LIMD1: variants seen among roughly 807,000 people sequenced by gnomAD.
LIMD1 encodes LIM domain-containing protein 1.
In LIMD1, 23 loss-of-function variants were observed where a neutral mutation model predicts 58.4. That is an observed-to-expected ratio of 0.39 (90% confidence interval 0.28 to 0.56). LIMD1 has a LOEUF of 0.56. Ranked by LOEUF, LIMD1 falls within the 20% of genes least tolerant of loss-of-function variation. LIMD1 has a pLI of 0.57. For synonymous variants in LIMD1, 334 were observed against 345.5 expected, an observed-to-expected ratio of 0.97 and a Z score of 0.37; for missense variants, 838 against 855.5, an observed-to-expected ratio of 0.98 and a Z score of 0.25.
chr3:45,662,256 C>T (rs960247098), intron 2 of LIMD1, among the ~76,000 whole-genome samples: 15 of 148,228 alleles, frequency 1.0e-4, no homozygotes, highest in African/African-American at 3.2e-4. Context: ...ATTGCCTTTT[C>T]GTTTACGGTG....
chr3:45,637,684 A>T (rs1331575917), intron 2 of LIMD1, among the ~76,000 whole-genome samples: 2 of 152,228 alleles, frequency 1.3e-5, no homozygotes, highest in Admixed American at 6.5e-5. Flanking sequence ...CTTCTGGAGA[A>T]GGGAAGGGGA....
chr3:45,600,550 C>T lies in LIMD1; in HGVS notation c.1408+4263C>T, dbSNP rs186267005. On this transcript the variant is annotated intron_variant, in intron 1 of 7. Transcript: ENST00000273317. Reference sequence around the variant, plus strand: ...CCTCCCCACCCCCTGTCCCCGTTGCCTCTTTGTGTCTCTCTGTCCATGTTG... The same window carrying T: ...CCTCCCCACCCCCTGTCCCCGTTGCTTCTTTGTGTCTCTCTGTCCATGTTG... Among the ~76,000 whole-genome samples, 13 of 152,312 alleles carry T rather than the reference C, an allele frequency of 8.5e-5. No individual in the cohort carries two copies. The East Asian group carries it at 2.1e-3, about 25-fold the overall frequency.
rs1056187686 is a variant in LIMD1 at position 45,680,253 on chromosome 3, A to G, written c.*3194A>G. On this transcript the variant is annotated 3_prime_UTR_variant, in exon 8 of 8. Coordinates refer to ENST00000273317, the MANE Select transcript of LIMD1 (RefSeq NM_014240.3). The stretch of plus-strand genomic sequence containing the variant: ...TGTGAGAATTGAGCACAAGACCACA[A>G]ATTATTACTGCTTGATGCGCTTGTT... The G allele has an allele frequency of 6.6e-6, 1 of 152,182 alleles. No individual in the cohort carries two copies. The allele number at this position is 152,182 out of a possible 1,614,324, so 9.4% of individuals were successfully genotyped here.
chr3:45,594,801 A>ACACACAC lies in LIMD1; in HGVS notation c.-78_-72dup, dbSNP rs1701318242. The ACACACAC allele has an allele frequency of 5.8e-6, 1 of 172,312 alleles. No individual in the cohort carries two copies. Among genetic ancestry groups the ACACACAC allele is most frequent in the South Asian group, 9.3e-5 (1 of 10,730 alleles). The allele number at this position is 172,312 out of a possible 1,614,324, so 10.7% of individuals were successfully genotyped here. A position where few individuals can be genotyped will look rare whatever the true frequency, so the allele number is the denominator to read the frequency against. On this transcript the variant is annotated 5_prime_UTR_variant, in exon 1 of 8. Transcript: ENST00000273317. ...TCAACACACACACACACACACACAC[A>ACACACAC]CACACACACACACACACACACACAC... is the stretch of plus-strand genomic sequence containing the variant.
At chr3:45,605,119 C>T (rs1483352441) in intron 1 of LIMD1, among the ~76,000 whole-genome samples, 6 of 152,238 alleles carry the variant, frequency 3.9e-5, no homozygotes, top group Non-Finnish European at 8.8e-5. Context: ...TTGGGCAAGT[C>T]CCTCTAGCTC....
rs148755802 is a variant in LIMD1, at chr3:45,595,919, G to A, written c.1040G>A (p.Ser347Asn). The change falls in exon 1 of 8, where the codon AGT becomes AAT. Residue 347 changes from serine (S) to asparagine (N), a missense_variant. Around this residue, in one of 3 missense-constraint regions of LIMD1, gnomAD observed 659 missense variants for 639.8 expected, o/e 1.03. Coordinates refer to ENST00000273317, the MANE Select transcript of LIMD1 (RefSeq NM_014240.3). ...GATGGGCCCAAATCTTACCTTTCCA[G>A]TTCTGCCCCGTCATCCTCGCCAGCT... ...FQDGPKSYLS[S>N]SAPSSSPAGL... 18 of 1,614,072 alleles carry A rather than the reference G, an allele frequency of 1.1e-5. No homozygotes were observed. Among genetic ancestry groups the A allele is most frequent in the South Asian group, 9.9e-5 (9 of 91,092 alleles).
Position 45,596,162 on chromosome 3 carries a change from G to A in LIMD1, c.1283G>A (p.Arg428Lys), listed in dbSNP as rs1364438640. ...GACAGCCCCAGCTCCCCTAGGGTAA[G>A]GCTGCCCTGCCAGCCCCTCGTCCCA... The part of the protein sequence containing the change: ...LLDSPSSPRV[R>K]LPCQPLVPGP... The change falls in exon 1 of 8, where the codon AGG becomes AAG. Residue 428 changes from arginine to lysine, a missense_variant. This residue lies in a region of LIMD1 where 659 missense variants were observed against 639.8 expected (regional missense o/e 1.03). Transcript: ENST00000273317. 4 of 1,614,076 alleles carry A rather than the reference G, an allele frequency of 2.5e-6. No homozygotes were observed. The highest frequency in any genetic ancestry group is 3.4e-6 in the Non-Finnish European group (4 of 1,180,004).
intron 4 of LIMD1, 132 bp from the exon 5 acceptor site, chr3:45,672,558 T>G (rs1697600370): frequency 1.0e-6 from 1 of 989,040 alleles, no homozygotes; most frequent in African/African-American, 1.6e-5. Flanking sequence ...GCTCTTCTCC[T>G]AGGTGAAACT....
At chr3:45,654,812 CAAAAAAAA>C (rs1227980901) in intron 2 of LIMD1, among the ~76,000 whole-genome samples, 4 of 56,522 alleles carry the variant, frequency 7.1e-5, no homozygotes, top group African/African-American at 2.3e-4. Context: ...GACCCTGTCT[CAAAAAAAA>C]AAAAAAAAAA....
chr3:45,641,971 G>A (rs1169756334), intron 2 of LIMD1, among the ~76,000 whole-genome samples: 1 of 152,186 alleles, frequency 6.6e-6, no homozygotes, highest in Non-Finnish European at 1.5e-5. Flanking sequence ...TGGGGGAATA[G>A]GGAGGTGAAT....
intron 1 of LIMD1, 112 bp downstream of exon 1, chr3:45,596,399 GC>G: frequency 1.2e-6 from 1 of 837,030 alleles, no homozygotes; most frequent in Non-Finnish European, 1.8e-6. Context: ...TCTTTGAGTG[GC>G]CTGTTTTTTT....
intron 1 of LIMD1, among the ~76,000 whole-genome samples, chr3:45,635,536 T>C (rs1701777461): frequency 1.3e-5 from 2 of 151,784 alleles, no homozygotes. Flanking sequence ...TGATATACTT[T>C]TTGTAAAAAT....
At chr3:45,656,622 A>C (rs1053344517) in intron 2 of LIMD1, among the ~76,000 whole-genome samples, 3 of 151,646 alleles carry the variant, frequency 2.0e-5, no homozygotes, top group Admixed American at 6.6e-5. Context: ...GGTTCAAGCG[A>C]TTCTCCTGCC....
chr3:45,642,910 G>A (rs1424277757), intron 2 of LIMD1, among the ~76,000 whole-genome samples: 1 of 152,206 alleles, frequency 6.6e-6, no homozygotes, highest in East Asian at 1.9e-4. Flanking sequence ...GGAGATGAGT[G>A]CTGTGGGTCT....
At chr3:45,620,330 G>T (rs927160522) in intron 1 of LIMD1, among the ~76,000 whole-genome samples, 6 of 152,072 alleles carry the variant, frequency 3.9e-5, no homozygotes, top group African/African-American at 1.4e-4. Context: ...GTAACCCAGA[G>T]AATAAAATAA....
At chr3:45,632,995 G>T (rs996057917) in intron 1 of LIMD1, among the ~76,000 whole-genome samples, 2 of 152,238 alleles carry the variant, frequency 1.3e-5, no homozygotes, top group Admixed American at 6.5e-5. Flanking sequence ...GCCAGCAAAA[G>T]AAATGCAGTT....
intron 1 of LIMD1, among the ~76,000 whole-genome samples, chr3:45,599,314 C>A (rs181364784): frequency 5.2e-4 from 34 of 65,858 alleles, no homozygotes; most frequent in Non-Finnish European, 8.1e-4. Flanking sequence ...ACCCATAAAG[C>A]AATTGCTCCC....
At chr3:45,666,919 T>C (rs1334509520) in intron 3 of LIMD1, among the ~76,000 whole-genome samples, 1 of 152,220 alleles carries the variant, frequency 6.6e-6, no homozygotes, top group African/African-American at 2.4e-5. Flanking sequence ...AAGCTCTATT[T>C]GGTTTTCACT....
intron 1 of LIMD1, among the ~76,000 whole-genome samples, chr3:45,597,151 C>T (rs1430257100): frequency 1.3e-5 from 2 of 152,130 alleles, no homozygotes; most frequent in African/African-American, 2.4e-5. Context: ...TGAGCCACCG[C>T]GCCTGGCCAG....
Sources: allele counts gnomAD v4.1 joint callset (sites outside exome capture counted in the v4.1 genomes callset), GRCh38; gene constraint gnomAD v4.1.1; regional missense constraint gnomAD v4.1.1; transcripts MANE v1.5; gene names NCBI Gene and HGNC (gene_info 2026-07-23, HGNC 2026-07-21).